TUSC3: variants seen among roughly 807,000 people sequenced by gnomAD.
TUSC3 encodes tumor suppressor candidate 3, also known as dolichyl-diphosphooligosaccharide--protein glycosyltransferase subunit TUSC3.
TUSC3 carries 45 observed loss-of-function variants against 44.8 expected under a neutral mutation model. The observed-to-expected ratio is 1.00, with a 90% confidence interval of 0.79 to 1.29. The LOEUF (loss-of-function observed/expected upper bound fraction) is 1.29. Among genes scored for constraint, TUSC3 ranks in the 50% most tolerant of loss-of-function variants. The pLI, the probability that TUSC3 is intolerant of heterozygous loss-of-function variation, is 0.00. For missense variants in TUSC3, 519 were observed against 437.9 expected (o/e 1.19, Z -1.65); for synonymous variants, 212 against 152.9 (o/e 1.39, Z -2.85).
At chr8:15,500,005 A>G (rs769856806) in intron 2 of TUSC3, among the ~76,000 whole-genome samples, 1 of 152,154 alleles carries the variant, frequency 6.6e-6, no homozygotes, top group Non-Finnish European at 1.5e-5. Flanking sequence ...CATTCCTTCA[A>G]TAATTTTATT....
At chr8:15,732,254 G>C (rs988319873) in intron 7 of TUSC3, among the ~76,000 whole-genome samples, 3 of 152,112 alleles carry the variant, frequency 2.0e-5, no homozygotes, top group Admixed American at 6.5e-5. Context: ...ATCCCCACTT[G>C]TCATGGGAGG....
the TUSC3 span, among the ~76,000 whole-genome samples, chr8:15,843,128 C>T: frequency 1.3e-5 from 2 of 152,140 alleles, no homozygotes; most frequent in African/African-American, 2.4e-5. Flanking sequence ...ATGATCTCTT[C>T]CTTTTCTTTC....
chr8:15,767,970 G>A (rs1206497272), downstream of TUSC3, among the ~76,000 whole-genome samples: 2 of 152,070 alleles, frequency 1.3e-5, no homozygotes, highest in Non-Finnish European at 2.9e-5. Context: ...CATACCCAGG[G>A]CAGGATCCAT....
chr8:15,491,513 A>G (rs1800808722), intron 2 of TUSC3, among the ~76,000 whole-genome samples: 1 of 152,174 alleles, frequency 6.6e-6, no homozygotes, highest in South Asian at 2.1e-4. Context: ...TAACTAAGGC[A>G]TGAAGAAATT....
At chr8:15,777,595 A>G in the TUSC3 span, among the ~76,000 whole-genome samples, 1 of 152,146 alleles carries the variant, frequency 6.6e-6, no homozygotes, top group African/African-American at 2.4e-5. Flanking sequence ...CTTCCTTTTT[A>G]TTTAGTGCCT....
intron 1 of TUSC3, among the ~76,000 whole-genome samples, chr8:15,600,986 T>C (rs545403678): frequency 3.3e-5 from 5 of 151,772 alleles, no homozygotes; most frequent in African/African-American, 7.2e-5. Flanking sequence ...ATATTTTTTT[T>C]CTCAGAAGAA....
intron 6 of TUSC3, among the ~76,000 whole-genome samples, chr8:15,693,974 G>A (rs1189344330): frequency 6.6e-6 from 1 of 151,932 alleles, no homozygotes; most frequent in Non-Finnish European, 1.5e-5. Context: ...GAGTTTTTCA[G>A]CTCTATCAGC....
At chr8:15,487,871 T>C (rs1800754073) in intron 2 of TUSC3, among the ~76,000 whole-genome samples, 1 of 151,920 alleles carries the variant, frequency 6.6e-6, no homozygotes, top group African/African-American at 2.4e-5. Context: ...TACTTTAGTG[T>C]TTTCATTACT....
At chr8:15,535,386 C>G (rs1801507154), upstream of TUSC3, among the ~76,000 whole-genome samples, 1 of 152,192 alleles carries the variant, frequency 6.6e-6, no homozygotes, top group Non-Finnish European at 1.5e-5. Context: ...ATGATTAGTG[C>G]TGTGCTTTAG....
chr8:15,743,417 A>C, intron 7 of TUSC3, 121 bp from the exon 8 acceptor site: 1 of 964,564 alleles, frequency 1.0e-6, no homozygotes, highest in South Asian at 1.3e-5. Flanking sequence ...AAGGTAATTG[A>C]TTGTATTTAC....
At chr8:15,483,648 G>GTTTTTTTTTT (rs1398002093) in intron 2 of TUSC3, among the ~76,000 whole-genome samples, 1 of 43,448 alleles carries the variant, frequency 2.3e-5, no homozygotes, top group African/African-American at 7.8e-5. Context: ...CTAGCACTGT[G>GTTTTTTTTTT]ATTTTTTTTT....
intron 6 of TUSC3, among the ~76,000 whole-genome samples, chr8:15,692,357 A>ACCCCC (rs57593991): frequency 1.0e-4 from 9 of 88,132 alleles, no homozygotes; most frequent in Middle Eastern, 0.011. Flanking sequence ...TTGGGAGGAG[A>ACCCCC]CCCCCCCCCC....
At chr8:15,651,056 ATAAG>A in intron 3 of TUSC3, 1 of 465,878 alleles carries the variant, frequency 2.1e-6, no homozygotes, top group Non-Finnish European at 3.9e-6. Context: ...AGTAAATACA[ATAAG>A]TAGTTATAAT....
intron 2 of TUSC3, among the ~76,000 whole-genome samples, chr8:15,642,376 G>C (rs1042972670): frequency 6.6e-6 from 1 of 152,152 alleles, no homozygotes; most frequent in African/African-American, 2.4e-5. Context: ...AGTTTGATGA[G>C]AAAAGTTAAA....
intron 2 of TUSC3, among the ~76,000 whole-genome samples, chr8:15,646,660 A>C (rs767456586): frequency 6.6e-6 from 1 of 152,078 alleles, no homozygotes; most frequent in Non-Finnish European, 1.5e-5. Context: ...AAACAATGTT[A>C]TGTGCTTCTT....
chr8:15,500,161 G>A lies in TUSC3; in HGVS notation n.189+16678G>A, dbSNP rs529716381. ...CAGGTGACCTGCAAAAGCAGCTAGA[G>A]TCTTTCTCTACGGAGCTGTACACGT... On this transcript the variant is annotated intron_variant and non_coding_transcript_variant, in intron 2 of 5. Transcript: ENST00000503191. Among the ~76,000 whole-genome samples the A allele has an allele frequency of 6.6e-5, 10 of 152,280 alleles. No individual in the cohort carries two copies. The East Asian group carries it at 1.2e-3, about 18-fold the overall frequency.
chr8:15,771,732 T>G, the TUSC3 span, among the ~76,000 whole-genome samples: 3 of 151,780 alleles, frequency 2.0e-5, no homozygotes, highest in East Asian at 5.8e-4. Context: ...ATACCAACAT[T>G]TATGAGATAC....
intron 1 of TUSC3, among the ~76,000 whole-genome samples, chr8:15,478,482 G>A (rs1345023750): frequency 6.6e-6 from 1 of 152,114 alleles, no homozygotes; most frequent in South Asian, 2.1e-4. Flanking sequence ...GTGTGTTCAT[G>A]TGTTCTCATT....
intron 1 of TUSC3, among the ~76,000 whole-genome samples, chr8:15,587,685 A>T (rs7826164): frequency 0.42 from 63,361 of 151,854 alleles, 14,621 homozygotes; most frequent in Non-Finnish European, 0.52. Flanking sequence ...ATCTGGCTGT[A>T]ATTTTGTATG....
Sources: gnomAD v4.1 joint callset for allele counts (sites outside exome capture counted in the v4.1 genomes callset) on GRCh38, gnomAD v4.1.1 for gene constraint, MANE v1.5 for transcripts, NCBI Gene and HGNC (gene_info 2026-07-23, HGNC 2026-07-21) for gene names.